MAP4: variants seen among roughly 807,000 people sequenced by gnomAD.
MAP4 encodes microtubule-associated protein 4.
MAP4 carries 76 observed loss-of-function variants against 170.2 expected under a neutral mutation model. The observed-to-expected ratio is 0.45, with a 90% CI of 0.37 to 0.54. The LOEUF (loss-of-function observed/expected upper bound fraction) is 0.54. MAP4 is among the 20% of genes least tolerant of loss of function. The probability of loss-of-function intolerance (pLI) is 0.00; values close to 1 mark genes in which losing one functional copy is unlikely to be tolerated. For synonymous variants in MAP4, 909 were observed against 994.5 expected, an observed-to-expected ratio of 0.91 and a Z score of 1.62; for missense variants, 2,506 against 2,748.0, an observed-to-expected ratio of 0.91 and a Z score of 1.97.
At position 47,909,545 on chromosome 3, in the gene MAP4, G is replaced by A; in HGVS notation, c.4876C>T (p.Leu1626=). Residue 1626 remains leucine (L), a synonymous_variant, in exon 9 of 21, where the codon CTG becomes TTG. Coordinates refer to ENST00000683076, the MANE Select transcript of MAP4 (RefSeq NM_001385682.1). ...GSVAVQIPDL[L]EDKAQKLSFC... Reference sequence around the variant, plus strand: ...CTGAGCTTTTGTGCTTTGTCTTCCAGTAAGTCAGGAATCTGAACTGCAACA... The same window carrying A: ...CTGAGCTTTTGTGCTTTGTCTTCCAATAAGTCAGGAATCTGAACTGCAACA... The A allele has an allele frequency of 6.2e-7, 1 of 1,612,582 alleles. No individual in the cohort carries two copies. The highest frequency in any genetic ancestry group is 8.5e-7 in the Non-Finnish European group (1 of 1,179,884).
intron 1 of MAP4, among the ~76,000 whole-genome samples, chr3:48,042,330 C>CACATCTG (rs2154534454): frequency 6.6e-6 from 1 of 152,300 alleles, no homozygotes; most frequent in East Asian, 1.9e-4. Flanking sequence ...GAAATCCCCA[C>CACATCTG]ACATCTGCTT....
At chr3:47,866,139 C>T (rs2079252300) in intron 17 of MAP4, among the ~76,000 whole-genome samples, 1 of 152,048 alleles carries the variant, frequency 6.6e-6, no homozygotes, top group Non-Finnish European at 1.5e-5. Context: ...GAGTTCAAGG[C>T]CAGCCTGGCC....
chr3:47,904,828 C>T (rs1330633825), intron 9 of MAP4, among the ~76,000 whole-genome samples: 2 of 151,326 alleles, frequency 1.3e-5, no homozygotes, highest in African/African-American at 4.9e-5. Flanking sequence ...CAACATCATG[C>T]GTGGCTACTT....
At chr3:47,931,484 T>A (rs1194031149) in intron 3 of MAP4, among the ~76,000 whole-genome samples, 1 of 152,096 alleles carries the variant, frequency 6.6e-6, no homozygotes. Context: ...AAGTTGCTCT[T>A]TTTTTGTTGT....
At chr3:47,913,736 T>G (rs371866668) in intron 8 of MAP4, among the ~76,000 whole-genome samples, 1 of 152,308 alleles carries the variant, frequency 6.6e-6, no homozygotes, top group South Asian at 2.1e-4. Context: ...TCTAGTCTTG[T>G]GCTAGGTAGT....
Position 47,912,413 on chromosome 3 carries a change from T to C in MAP4, c.2008A>G (p.Met670Val), listed in dbSNP as rs1403510749. 1.1e-5 allele frequency: 16 copies of C among 1,470,596 alleles called. No homozygotes were observed. The highest frequency in any genetic ancestry group is 1.3e-5 in the Non-Finnish European group (15 of 1,114,508). 91.1% of individuals were successfully genotyped at this position (1,470,596 alleles called of 1,614,324 possible). ...ELSSETSANFMYCGTPPTQAK... is the reference protein window; with the variant it reads ...ELSSETSANFVYCGTPPTQAK... ...TGTGTGGGAGGGGTACCGCAATACA[T>C]GAAGTTGGCTAAAATTCCAAACAAA... The change falls in exon 9 of 21, where the codon ATG becomes GTG. Residue 670 changes from methionine to valine, a missense_variant. Transcript: ENST00000683076.
intron 12 of MAP4, among the ~76,000 whole-genome samples, chr3:47,874,384 G>A (rs1268742378): frequency 1.3e-5 from 2 of 152,176 alleles, no homozygotes; most frequent in Non-Finnish European, 2.9e-5. Flanking sequence ...CACAAGAGAT[G>A]CTTGAACCTG....
chr3:47,954,397 T>C (rs908112063), intron 3 of MAP4, among the ~76,000 whole-genome samples: 14 of 152,274 alleles, frequency 9.2e-5, no homozygotes, highest in South Asian at 2.1e-4. Flanking sequence ...ACCAGGATCT[T>C]TGGCAGTAAT....
intron 17 of MAP4, among the ~76,000 whole-genome samples, chr3:47,865,642 C>A (rs746989714): frequency 1.3e-5 from 2 of 152,124 alleles, no homozygotes; most frequent in Non-Finnish European, 2.9e-5. Context: ...TTAACAGAGT[C>A]TAAAAATGAT....
At chr3:48,017,039 A>G (rs1238196270), upstream of MAP4, among the ~76,000 whole-genome samples, 1 of 152,076 alleles carries the variant, frequency 6.6e-6, no homozygotes, top group East Asian at 1.9e-4. Context: ...TTGGCCTCCC[A>G]AAGTGCTGGG....
Position 47,998,823 on chromosome 3 carries a change from G to A in MAP4, c.38C>T (p.Pro13Leu). Residue 13 changes from proline (P) to leucine (L), a missense_variant, in exon 2 of 21, where the codon CCA becomes CTA. This residue lies in a region of MAP4 where 2,008 missense variants were observed against 2,206.0 expected (regional missense o/e 0.91). Coordinates refer to ENST00000683076, the MANE Select transcript of MAP4 (RefSeq NM_001385682.1). ...DLSLADALTEPSPDIEGEIKR... is the reference protein window; with the variant it reads ...DLSLADALTELSPDIEGEIKR... ...TATCTCTCCCTCAATGTCTGGAGAT[G>A]GTTCTGTTAATGCATCTGCAAGACT... 2 of 1,614,144 alleles carry A rather than the reference G, an allele frequency of 1.2e-6. No individual in the cohort carries two copies. Among genetic ancestry groups the A allele is most frequent in the Non-Finnish European group, 8.5e-7 (1 of 1,179,998 alleles).
chr3:48,000,140 G>A (rs1321775491), intron 1 of MAP4, among the ~76,000 whole-genome samples: 10 of 149,562 alleles, frequency 6.7e-5, no homozygotes, highest in East Asian at 2.0e-4. Flanking sequence ...GCTTGAACCC[G>A]GGAGATGGAG....
At chr3:47,954,481 G>A (rs2100066489) in intron 3 of MAP4, among the ~76,000 whole-genome samples, 1 of 152,146 alleles carries the variant, frequency 6.6e-6, no homozygotes, top group Non-Finnish European at 1.5e-5. Context: ...TCCAGCTCTG[G>A]TAGTAAAAAC....
chr3:47,920,544 GTTT>G lies in MAP4; in HGVS notation c.529+1218_529+1220del, dbSNP rs71070241. 5.1e-3 allele frequency among the ~76,000 whole-genome samples: 490 copies of G among 96,566 alleles called. 7 individuals are homozygous for G. The highest frequency in any genetic ancestry group is 0.018 in the African/African-American group (460 of 25,452). The allele number at this position is 96,566 out of a possible 152,430, so 63.4% of individuals were successfully genotyped here. On this transcript the variant is annotated intron_variant, in intron 5 of 20. Transcript: ENST00000683076. ...GGGCGTGTGCCACTGCACCCAGATG[GTTT>G]TTTTTTTTTTTTTTTTTTTTTAAGA...
chr3:47,952,899 G>C (rs1458625668), intron 3 of MAP4, among the ~76,000 whole-genome samples: 1 of 151,842 alleles, frequency 6.6e-6, no homozygotes, highest in African/African-American at 2.4e-5. Context: ...ACTCTAGCCT[G>C]AGTGACAGAG....
intron 1 of MAP4, among the ~76,000 whole-genome samples, chr3:48,014,500 CAT>C (rs2100106820): frequency 6.6e-6 from 1 of 152,050 alleles, no homozygotes; most frequent in African/African-American, 2.4e-5. Context: ...TCTACAAAAA[CAT>C]GTAAAAATTA....
At chr3:47,962,337 G>A (rs1437667397) in intron 3 of MAP4, among the ~76,000 whole-genome samples, 3 of 152,160 alleles carry the variant, frequency 2.0e-5, no homozygotes, top group Non-Finnish European at 4.4e-5. Flanking sequence ...TTAAGCCCCA[G>A]TCTGGGGGCT....
At chr3:48,063,631 T>C (rs557815412) in intron 1 of MAP4, among the ~76,000 whole-genome samples, 1 of 152,004 alleles carries the variant, frequency 6.6e-6, no homozygotes, top group East Asian at 1.9e-4. Flanking sequence ...AAGCAAATTG[T>C]AGTGTACCCA....
chr3:48,080,944 GAA>G (rs1292863610), intron 1 of MAP4, among the ~76,000 whole-genome samples: 1 of 152,176 alleles, frequency 6.6e-6, no homozygotes, highest in Non-Finnish European at 1.5e-5. Flanking sequence ...CTAACACGGT[GAA>G]ACCCCGTCTC....
Sources: gnomAD v4.1 joint callset for allele counts (sites outside exome capture counted in the v4.1 genomes callset) on GRCh38, gnomAD v4.1.1 for gene constraint, gnomAD v4.1.1 regional missense constraint, MANE v1.5 for transcripts, NCBI Gene and HGNC (gene_info 2026-07-23, HGNC 2026-07-21) for gene names.